Variants in EFCAB6 observed in about 807,000 individuals in gnomAD.
EFCAB6 encodes EF-hand calcium-binding domain-containing protein 6.
Under a neutral mutation model 169.8 loss-of-function variants are expected in EFCAB6, and 156 were observed. The observed-to-expected ratio is 0.92, with a 90% CI of 0.81 to 1.05. The LOEUF is 1.05. Among genes scored for constraint, EFCAB6 ranks in the 50% least tolerant of loss-of-function variants. EFCAB6 has a pLI of 0.00. For synonymous variants in EFCAB6, 698 were observed against 676.4 expected (o/e 1.03, Z -0.50); for missense variants, 1,800 against 1,829.1 (o/e 0.98, Z 0.29).
chr22:43,547,531 A>C (rs2048130057), intron 27 of EFCAB6, among the ~76,000 whole-genome samples: 1 of 151,728 alleles, frequency 6.6e-6, no homozygotes, highest in Non-Finnish European at 1.5e-5. Context: ...CTTGAGCTCA[A>C]GAGTTTGAGA....
At chr22:43,534,181 G>A (rs2147001705) in intron 30 of EFCAB6, among the ~76,000 whole-genome samples, 1 of 152,300 alleles carries the variant, frequency 6.6e-6, no homozygotes, top group African/African-American at 2.4e-5. Flanking sequence ...TGGATCATGG[G>A]GGAGGTTCCC....
chr22:43,718,537 C>G (rs763842307), intron 8 of EFCAB6, among the ~76,000 whole-genome samples: 1 of 152,192 alleles, frequency 6.6e-6, no homozygotes, highest in Non-Finnish European at 1.5e-5. Flanking sequence ...AATCCCAGCA[C>G]TTTGGGAGGC....
intron 8 of EFCAB6, among the ~76,000 whole-genome samples, chr22:43,727,375 C>T (rs767158849): frequency 1.3e-5 from 2 of 152,128 alleles, no homozygotes; most frequent in Admixed American, 6.5e-5. Context: ...CTGCAGTGAG[C>T]TATGATTGCA....
chr22:43,629,690 G>A (rs2054790049), intron 19 of EFCAB6, among the ~76,000 whole-genome samples: 1 of 152,194 alleles, frequency 6.6e-6, no homozygotes, highest in African/African-American at 2.4e-5. Flanking sequence ...GATGTGAAGG[G>A]CTTGAGAAGG....
chr22:43,610,319 T>C (rs913489526), intron 21 of EFCAB6, among the ~76,000 whole-genome samples: 2 of 152,154 alleles, frequency 1.3e-5, no homozygotes, highest in African/African-American at 2.4e-5. Flanking sequence ...ATCGTCACAG[T>C]TTCTGTTGAC....
intron 15 of EFCAB6, 105 bp from the exon 16 acceptor site, chr22:43,669,150 C>T: frequency 1.9e-6 from 2 of 1,035,834 alleles, no homozygotes; most frequent in Non-Finnish European, 2.6e-6. Flanking sequence ...CAACTTTCAT[C>T]CACTGCTGGT....
chr22:43,581,887 T>A (rs1240951196), intron 24 of EFCAB6, among the ~76,000 whole-genome samples: 1 of 152,230 alleles, frequency 6.6e-6, no homozygotes, highest in Non-Finnish European at 1.5e-5. Context: ...CAACGTGGTA[T>A]TAAAATGTAG....
chr22:43,541,580 T>C (rs2047726946), intron 27 of EFCAB6, among the ~76,000 whole-genome samples: 2 of 150,408 alleles, frequency 1.3e-5, no homozygotes, highest in African/African-American at 4.9e-5. Context: ...TTGATTGCAT[T>C]CTGACCAACG....
intron 23 of EFCAB6, among the ~76,000 whole-genome samples, chr22:43,594,593 G>A (rs1189705259): frequency 6.6e-6 from 1 of 152,172 alleles, no homozygotes; most frequent in Non-Finnish European, 1.5e-5. Context: ...TATAACAATA[G>A]TAAACATATG....
chr22:43,778,644 A>G (rs1569484303), intron 3 of EFCAB6, among the ~76,000 whole-genome samples: 1 of 152,202 alleles, frequency 6.6e-6, no homozygotes, highest in Non-Finnish European at 1.5e-5. Context: ...GCTGGGCTAT[A>G]AAGCAGAGAG....
At chr22:43,631,953 C>A in intron 19 of EFCAB6, 152 bp downstream of exon 19, 4 of 1,200,234 alleles carry the variant, frequency 3.3e-6, no homozygotes, top group Non-Finnish European at 4.5e-6. Context: ...ACATGCCTCT[C>A]CCTGACCAAT....
chr22:43,702,010 G>C (rs1047047076), intron 10 of EFCAB6, among the ~76,000 whole-genome samples: 6 of 152,154 alleles, frequency 3.9e-5, no homozygotes, highest in African/African-American at 1.2e-4. Context: ...TAACCAATGG[G>C]GGGGATGTGA....
chr22:43,541,265 T>C (rs1356578849), intron 27 of EFCAB6, among the ~76,000 whole-genome samples: 3 of 152,114 alleles, frequency 2.0e-5, no homozygotes, highest in Non-Finnish European at 2.9e-5. Flanking sequence ...CAAATTAGAG[T>C]GACTGTCTTG....
In EFCAB6 at chr22:43,752,458, T is replaced by C. The variant is rs547443003; in HGVS notation, c.507+3308A>G. ...CTAACAAAACCCTCTATTTTCCATT[T>C]TGTTCAGACATCCGCCCTTCTTGGG... On this transcript the variant is annotated intron_variant, in intron 6 of 31. Coordinates refer to ENST00000262726, the MANE Select transcript of EFCAB6 (RefSeq NM_022785.4). Among the ~76,000 whole-genome samples, 3 of 152,310 alleles carry C rather than the reference T, an allele frequency of 2.0e-5. No individual in the cohort carries two copies. In the South Asian group the frequency reaches 6.2e-4, roughly 32 times the overall value.
At chr22:43,538,595 G>A (rs973503707) in intron 28 of EFCAB6, among the ~76,000 whole-genome samples, 2 of 152,262 alleles carry the variant, frequency 1.3e-5, no homozygotes, top group African/African-American at 2.4e-5. Context: ...CCCCATGTTG[G>A]CCAGGATGGT....
chr22:43,568,119 A>T (rs1229758940), intron 26 of EFCAB6, among the ~76,000 whole-genome samples: 2 of 152,170 alleles, frequency 1.3e-5, no homozygotes, highest in Admixed American at 6.5e-5. Flanking sequence ...CTCCTCTGCA[A>T]ATGAGGCTCA....
At chr22:43,535,750 G>A (rs895798057) in intron 29 of EFCAB6, 1 of 152,242 alleles carries the variant, frequency 6.6e-6, no homozygotes, top group Admixed American at 6.5e-5. Context: ...GTGAGTTGTT[G>A]AGGCAAATGA....
chr22:43,722,291 C>T (rs1022088991), intron 8 of EFCAB6, among the ~76,000 whole-genome samples: 1 of 151,892 alleles, frequency 6.6e-6, no homozygotes, highest in African/African-American at 2.4e-5. Context: ...CTTTGGGAGG[C>T]CAAGGTGGGC....
chr22:43,671,959 T>C lies in EFCAB6; in HGVS notation c.1640+14A>G. The C allele has an allele frequency of 6.2e-7, 1 of 1,610,142 alleles. No homozygotes were observed. The highest frequency in any genetic ancestry group is 8.5e-7 in the Non-Finnish European group (1 of 1,178,760). ...AAAACACGACATGAATTAATTTTGT[T>C]ACAAAAAACTTACTTTATGAAATGT... On this transcript the variant is annotated intron_variant, in intron 15 of 31. Transcript: ENST00000262726.
Sources: gnomAD v4.1 joint callset for allele counts (sites outside exome capture counted in the v4.1 genomes callset) on GRCh38, gnomAD v4.1.1 for gene constraint, MANE v1.5 for transcripts, NCBI Gene and HGNC (gene_info 2026-07-23, HGNC 2026-07-21) for gene names.